CFAP54: variants seen among roughly 807,000 people sequenced by gnomAD.
CFAP54 encodes the protein cilia and flagella associated protein 54, also known as cilia- and flagella-associated protein 54.
CFAP54 carries 290 observed loss-of-function variants against 370.4 expected under a neutral mutation model. The ratio of observed to expected loss-of-function variants is 0.78; its 90% confidence interval spans 0.71 to 0.86. The LOEUF is 0.86. CFAP54 is among the 40% of genes least tolerant of loss of function. The pLI is 0.00. For missense variants in CFAP54, 3,399 were observed against 3,528.7 expected, an observed-to-expected ratio of 0.96 and a Z score of 0.93; for synonymous variants, 1,206 against 1,236.5, an observed-to-expected ratio of 0.98 and a Z score of 0.52.
chr12:96,598,034 A>G (rs985629559), intron 25 of CFAP54, among the ~76,000 whole-genome samples: 2 of 151,972 alleles, frequency 1.3e-5, no homozygotes, highest in South Asian at 2.1e-4. Flanking sequence ...ACCAACATTC[A>G]TATATTAATT....
intron 17 of CFAP54, among the ~76,000 whole-genome samples, chr12:96,556,879 A>G (rs781653014): frequency 2.0e-5 from 3 of 152,012 alleles, no homozygotes; most frequent in Non-Finnish European, 2.9e-5. Context: ...ATAGAGGGGA[A>G]CAATAGACAC....
chr12:96,646,957 T>A (rs1956801170), intron 33 of CFAP54: 1 of 151,406 alleles, frequency 6.6e-6, no homozygotes, highest in Non-Finnish European at 1.5e-5. Flanking sequence ...TGTTATGGGG[T>A]GGTGGGAGTG....
chr12:96,792,691 C>G (rs1265548924), intron 63 of CFAP54, among the ~76,000 whole-genome samples, 192 bp downstream of exon 63: 3 of 152,042 alleles, frequency 2.0e-5, no homozygotes, highest in Non-Finnish European at 4.4e-5. Context: ...TCAGGCTGAT[C>G]ATTTTTCTTT....
Position 96,774,852 on chromosome 12 carries a change from T to A in CFAP54, c.8281+9634T>A, listed in dbSNP as rs891952917. Among the ~76,000 whole-genome samples the A allele has an allele frequency of 4.7e-4, 72 of 152,280 alleles. 1 individual carries two copies. The highest frequency in any genetic ancestry group is 2.0e-3 in the Admixed American group (31 of 15,294). ...TATTTTTAGAGATGTTATCTTCTTA[T>A]TGTATTATAATTTAAAAAAATTATT... is the stretch of plus-strand genomic sequence containing the variant. On this transcript the variant is annotated intron_variant, in intron 60 of 67. Transcript: ENST00000524981.
chr12:96,867,087 A>T (rs1394650923), intron 67 of CFAP54, among the ~76,000 whole-genome samples: 1 of 152,184 alleles, frequency 6.6e-6, no homozygotes, highest in Non-Finnish European at 1.5e-5. Flanking sequence ...AAGTATATGT[A>T]ATGATCCATA....
rs1420792545 is a variant in CFAP54, at chr12:96,551,482, G to GGTGTGT, written c.2155-2698_2155-2697insGTGTGT. ...TTCCTGAGCCTGCGATTCTTGAATG[G>GGTGTGT]GTATGTGTGTGTGTGTGTGTGTGTG... On this transcript the variant is annotated intron_variant, in intron 15 of 67. Transcript: ENST00000524981. Among the ~76,000 whole-genome samples the GGTGTGT allele has an allele frequency of 2.8e-3, 274 of 98,452 alleles. 4 individuals carry two copies. The highest frequency in any genetic ancestry group is 0.01 in the African/African-American group (251 of 24,986). 64.6% of individuals were successfully genotyped at this position (98,452 alleles called of 152,430 possible). A position where few individuals can be genotyped will look rare whatever the true frequency, so the allele number is the denominator to read the frequency against.
intron 47 of CFAP54, among the ~76,000 whole-genome samples, chr12:96,707,565 A>G (rs1957559900): frequency 6.6e-6 from 1 of 152,112 alleles, no homozygotes; most frequent in Non-Finnish European, 1.5e-5. Flanking sequence ...AAGTTGGGAT[A>G]TAGAGAGTTT....
intron 1 of CFAP54, among the ~76,000 whole-genome samples, chr12:96,494,007 C>G (rs945632509): frequency 1.3e-5 from 2 of 152,082 alleles, no homozygotes; most frequent in Non-Finnish European, 2.9e-5. Flanking sequence ...GACTTGCTTT[C>G]GAATGATTGG....
In CFAP54 at chr12:96,812,533, A is replaced by G. The variant is rs147004973; in HGVS notation, c.8957+691A>G. On this transcript the variant is annotated intron_variant, in intron 64 of 67. Coordinates refer to ENST00000524981, the MANE Select transcript of CFAP54 (RefSeq NM_001306084.2). ...TCTGACCTTAGCCTCCATTTCCTCC[A>G]TTGTAGGATGGAAATGATCATAACT... 3.6e-3 allele frequency among the ~76,000 whole-genome samples: 542 copies of G among 151,968 alleles called. 4 individuals carry two copies. Among genetic ancestry groups the G allele is most frequent in the African/African-American group, 0.012 (512 of 41,448 alleles).
intron 9 of CFAP54, among the ~76,000 whole-genome samples, chr12:96,532,045 A>G (rs991701689): frequency 6.6e-6 from 1 of 152,150 alleles, no homozygotes; most frequent in African/African-American, 2.4e-5. Flanking sequence ...GATGTACTTT[A>G]TACATTGAAT....
chr12:96,565,447 G>T (rs1187855885), intron 19 of CFAP54, among the ~76,000 whole-genome samples: 1 of 152,048 alleles, frequency 6.6e-6, no homozygotes, highest in Non-Finnish European at 1.5e-5. Flanking sequence ...GCTGGCATTG[G>T]CTGAGTGAAT....
At position 96,743,410 on chromosome 12, in the gene CFAP54, A is replaced by G. The variant is rs767102188; in HGVS notation, c.7228A>G (p.Met2410Val). The part of the protein sequence containing the change: ...HGIGIVKEDD[M>V]TDCLSLINEV... ...GCATTTGTTTATTTTAGAGGATGAT[A>G]TGACAGATTGCCTGAGCCTCATCAA... The change falls in exon 53 of 68, where the codon ATG becomes GTG. Residue 2410 changes from methionine to valine, a missense_variant. Met to Val is a conservative substitution (Grantham distance 21). Transcript: ENST00000524981. 2 of 1,613,714 alleles carry G rather than the reference A, an allele frequency of 1.2e-6. No individual in the cohort carries two copies. The highest frequency in any genetic ancestry group is 1.7e-6 in the Non-Finnish European group (2 of 1,179,836).
chr12:96,817,755 T>A lies in CFAP54; in HGVS notation c.8958-20T>A. On this transcript the variant is annotated intron_variant, in intron 64 of 67. Coordinates refer to ENST00000524981, the MANE Select transcript of CFAP54 (RefSeq NM_001306084.2). ...TTCTTAACTCTTCAAATAAAATACA[T>A]ATATATTTGTTATTTTCAGGGTTAT... is the stretch of plus-strand genomic sequence containing the variant. The A allele has an allele frequency of 7.1e-7, 1 of 1,403,984 alleles. No homozygotes were observed. The highest frequency in any genetic ancestry group is 9.4e-7 in the Non-Finnish European group (1 of 1,060,268). 87.0% of individuals were successfully genotyped at this position (1,403,984 alleles called of 1,614,324 possible). A position where few individuals can be genotyped will look rare whatever the true frequency, so the allele number is the denominator to read the frequency against.
chr12:96,874,177 A>G (rs1277339973), intron 67 of CFAP54, among the ~76,000 whole-genome samples: 1 of 152,106 alleles, frequency 6.6e-6, no homozygotes, highest in Admixed American at 6.5e-5. Context: ...CCTCTAGGGA[A>G]CTCTGCTTCC....
chr12:96,868,306 T>G (rs549852178), intron 67 of CFAP54, among the ~76,000 whole-genome samples: 33 of 152,166 alleles, frequency 2.2e-4, no homozygotes, highest in Non-Finnish European at 3.8e-4. Context: ...TTCTTAGGTT[T>G]AGATTTATGT....
At chr12:96,802,182 A>ACCCTGCT (rs1394662107) in intron 63 of CFAP54, among the ~76,000 whole-genome samples, 1 of 152,004 alleles carries the variant, frequency 6.6e-6, no homozygotes, top group African/African-American at 2.4e-5. Context: ...GCATACCTAG[A>ACCCTGCT]ACAATACCCA....
chr12:96,647,428 G>A (rs183992025), intron 33 of CFAP54, among the ~76,000 whole-genome samples: 2,057 of 123,558 alleles, frequency 0.017, 26 homozygotes, highest in South Asian at 0.074. Context: ...AGCCGATATC[G>A]CGCCACTGCA....
chr12:96,518,682 T>G (rs571826317), intron 5 of CFAP54, among the ~76,000 whole-genome samples: 53 of 152,334 alleles, frequency 3.5e-4, no homozygotes, highest in African/African-American at 1.3e-3. Context: ...CAAGACTCTG[T>G]CTAAAAACAA....
In CFAP54 at chr12:96,764,133, C is replaced by T. The variant is rs757122246; in HGVS notation, c.8041-18C>T. ...TATCACAAAACTTTATATCATAACA[C>T]ATTTGCCATATTTTTAGCCTCCTCT... On this transcript the variant is annotated intron_variant, in intron 58 of 67. Transcript: ENST00000524981. 2 of 1,543,228 alleles carry T rather than the reference C, an allele frequency of 1.3e-6. No homozygotes were observed. The highest frequency in any genetic ancestry group is 1.7e-5 in the Admixed American group (1 of 59,138).
Sources: gnomAD v4.1 joint callset for allele counts (sites outside exome capture counted in the v4.1 genomes callset) on GRCh38, gnomAD v4.1.1 for gene constraint, MANE v1.5 for transcripts, NCBI Gene and HGNC (gene_info 2026-07-23, HGNC 2026-07-21) for gene names.